Variants in PRR5 observed in about 807,000 individuals in gnomAD.
The protein encoded by PRR5 is proline-rich protein 5.
Under a neutral mutation model 30.6 loss-of-function variants are expected in PRR5, and 25 were observed. That is an observed-to-expected ratio of 0.82 (90% confidence interval 0.60 to 1.14). PRR5 has a LOEUF of 1.14. Ranked by LOEUF, PRR5 falls within the 50% of genes most tolerant of loss-of-function variation. The pLI, the probability that PRR5 is intolerant of heterozygous loss-of-function variation, is 0.00. For missense variants in PRR5, 600 were observed against 547.1 expected (o/e 1.10, Z -0.96); for synonymous variants, 286 against 247.1 (o/e 1.16, Z -1.48).
chr22:44,699,276 T>TC (rs1401952017), upstream of PRR5, among the ~76,000 whole-genome samples: 5 of 152,126 alleles, frequency 3.3e-5, no homozygotes, highest in African/African-American at 1.2e-4. Flanking sequence ...CAGTCAGGCC[T>TC]CCCTCCCTCT....
intron 6 of PRR5, chr22:44,734,270 CA>C (rs546033220): frequency 1.6e-4 from 23 of 147,516 alleles, no homozygotes; most frequent in Non-Finnish European, 2.4e-4. Flanking sequence ...AACTCTGTCT[CA>C]AAAAAAAAAA....
In PRR5 at chr22:44,702,208, T is replaced by G; in HGVS notation, c.-267T>G. 1.0e-6 allele frequency: 1 copy of G among 997,806 alleles called. No individual in the cohort carries two copies. Among genetic ancestry groups the G allele is most frequent in the Non-Finnish European group, 1.2e-6 (1 of 821,936 alleles). 61.8% of individuals were successfully genotyped at this position (997,806 alleles called of 1,614,324 possible). On this transcript the variant is annotated 5_prime_UTR_variant, in exon 1 of 8. Transcript: ENST00000336985. Reference sequence around the variant, plus strand: ...CCCGCCCCCGGGTCCGCCCCCGGCCTCCGTTTGCGCCGGGTCTGTGCTGGC... The same window carrying G: ...CCCGCCCCCGGGTCCGCCCCCGGCCGCCGTTTGCGCCGGGTCTGTGCTGGC...
rs61604082 is a variant in PRR5, at chr22:44,693,795, A to ATTTTTTTTTTTTTTTTTTTT, written c.-10-8696_-10-8677dup. On this transcript the variant is annotated intron_variant, in intron 1 of 8. Coordinates refer to the PRR5 transcript ENST00000006251. ...CAGGCGCCTGCCACCACACTCGGCT[A>ATTTTTTTTTTTTTTTTTTTT]TTTTTTTTTTTTTTTTTTTTGTATT... is the stretch of plus-strand genomic sequence containing the variant. 3.0e-4 allele frequency among the ~76,000 whole-genome samples: 24 copies of ATTTTTTTTTTTTTTTTTTTT among 79,616 alleles called. 1 individual carries two copies. The highest frequency in any genetic ancestry group is 6.5e-4 in the African/African-American group (12 of 18,500). The allele number at this position is 79,616 out of a possible 152,430, so 52.2% of individuals were successfully genotyped here. A position where few individuals can be genotyped will look rare whatever the true frequency, so the allele number is the denominator to read the frequency against.
intron 2 of PRR5, among the ~76,000 whole-genome samples, chr22:44,716,444 G>A (rs1280778287): frequency 6.6e-6 from 1 of 152,220 alleles, no homozygotes; most frequent in Non-Finnish European, 1.5e-5. Flanking sequence ...GCCAAGGTAG[G>A]GGGATCGCTA....
At chr22:44,721,843 G>T (rs982986500) in intron 2 of PRR5, among the ~76,000 whole-genome samples, 1 of 152,212 alleles carries the variant, frequency 6.6e-6, no homozygotes, top group Non-Finnish European at 1.5e-5. Context: ...CTGAGCAGAC[G>T]CCCTCGGGTT....
chr22:44,686,151 C>A (rs1391279318), intron 1 of PRR5, among the ~76,000 whole-genome samples: 1 of 152,052 alleles, frequency 6.6e-6, no homozygotes, highest in Non-Finnish European at 1.5e-5. Context: ...TACTTGGAGG[C>A]TGAGGCACAA....
chr22:44,729,473 G>A, intron 4 of PRR5: 1 of 985,602 alleles, frequency 1.0e-6, no homozygotes, highest in African/African-American at 1.7e-5. Flanking sequence ...TGGAGCCAAG[G>A]TACGGCGCGC....
At chr22:44,733,021 GCACA>G (rs1922506123) in intron 6 of PRR5, among the ~76,000 whole-genome samples, 1 of 137,286 alleles carries the variant, frequency 7.3e-6, no homozygotes, top group Non-Finnish European at 1.7e-5. Context: ...ACGTGCACAT[GCACA>G]TACACACTAC....
chr22:44,687,647 C>T lies in PRR5; in HGVS notation c.-11+10407C>T, dbSNP rs556601731. On this transcript the variant is annotated intron_variant, in intron 1 of 8. Transcript: ENST00000006251. Reference sequence around the variant, plus strand: ...TGGTGTTCTGTGGAGAATTCAGTTTCACCTCCCAGCATCCTGCTTGCTCCG... The same window carrying T: ...TGGTGTTCTGTGGAGAATTCAGTTTTACCTCCCAGCATCCTGCTTGCTCCG... Among the ~76,000 whole-genome samples the T allele has an allele frequency of 3.5e-4, 53 of 152,344 alleles. 2 individuals are homozygous for T. The South Asian group carries it at 0.011, about 30-fold the overall frequency.
intron 2 of PRR5, among the ~76,000 whole-genome samples, chr22:44,720,362 A>G (rs1026733037): frequency 3.3e-5 from 5 of 152,206 alleles, no homozygotes; most frequent in African/African-American, 1.2e-4. Flanking sequence ...TAGGGCTCCA[A>G]CCTTGGGTTC....
At chr22:44,712,554 C>CTGGCCGCTCTG (rs1928421104) in intron 1 of PRR5, among the ~76,000 whole-genome samples, 1 of 152,210 alleles carries the variant, frequency 6.6e-6, no homozygotes, top group Non-Finnish European at 1.5e-5. Context: ...GCCCAAGATG[C>CTGGCCGCTCTG]TGGCCGCTCT....
intron 1 of PRR5, among the ~76,000 whole-genome samples, chr22:44,714,189 A>G (rs1364222496): frequency 1.3e-5 from 2 of 151,898 alleles, no homozygotes; most frequent in Non-Finnish European, 2.9e-5. Context: ...ATGATCCTGA[A>G]CTCCGGGTGG....
intron 1 of PRR5, among the ~76,000 whole-genome samples, chr22:44,706,632 G>A (rs369570943): frequency 1.8e-4 from 28 of 152,128 alleles, no homozygotes; most frequent in Non-Finnish European, 3.5e-4. Context: ...AGGCTCCAGC[G>A]ATCCTCCCAC....
At chr22:44,718,192 C>CTTTTTTTTTTTTTTTTTTT (rs34868054) in intron 2 of PRR5, among the ~76,000 whole-genome samples, 2 of 94,578 alleles carry the variant, frequency 2.1e-5, no homozygotes, top group Non-Finnish European at 3.8e-5. Flanking sequence ...TTTCATCTCT[C>CTTTTTTTTTTTTTTTTTTT]TTTTTTTTTT....
At chr22:44,732,834 CT>C (rs1569111527) in intron 6 of PRR5, among the ~76,000 whole-genome samples, 2 of 25,236 alleles carry the variant, frequency 7.9e-5, no homozygotes, top group African/African-American at 6.6e-5. Context: ...CACGCACATA[CT>C]ACACACGTGC....
intron 6 of PRR5, among the ~76,000 whole-genome samples, chr22:44,732,673 GCACATA>G (rs1922247206): frequency 6.6e-6 from 1 of 152,064 alleles, no homozygotes; most frequent in Non-Finnish European, 1.5e-5. Context: ...GCACGCACAC[GCACATA>G]CACACTACAC....
chr22:44,678,701 C>G (rs1569062384), intron 1 of PRR5, among the ~76,000 whole-genome samples: 1 of 152,174 alleles, frequency 6.6e-6, no homozygotes, highest in Non-Finnish European at 1.5e-5. Flanking sequence ...CCAGGCGGAC[C>G]CACGGCCCCC....
rs543779272 is a variant in PRR5 at position 44,724,206 on chromosome 22, C to T, written c.216-1038C>T. Among the ~76,000 whole-genome samples the T allele has an allele frequency of 1.8e-4, 28 of 152,034 alleles. 1 individual carries two copies. Among genetic ancestry groups the T allele is most frequent in the African/African-American group, 6.0e-4 (25 of 41,452 alleles). On this transcript the variant is annotated intron_variant, in intron 2 of 7. Coordinates refer to ENST00000336985, the MANE Select transcript of PRR5 (RefSeq NM_181333.4). The stretch of plus-strand genomic sequence containing the variant: ...ATCCCAACACTTTGGGAGGCCAAGG[C>T]GGGTGGATCACTTGAGGTCAGGAGT...
chr22:44,716,160 G>A (rs1039248855), intron 2 of PRR5, among the ~76,000 whole-genome samples: 2 of 152,212 alleles, frequency 1.3e-5, no homozygotes, highest in Admixed American at 1.3e-4. Context: ...GGGGCACAGA[G>A]AAGCTGCCCT....
Sources: allele counts gnomAD v4.1 joint callset (sites outside exome capture counted in the v4.1 genomes callset), GRCh38; gene constraint gnomAD v4.1.1; transcripts MANE v1.5; gene names NCBI Gene and HGNC (gene_info 2026-07-23, HGNC 2026-07-21).